The following ACYP2 variants were observed in gnomAD, a reference collection of about 807,000 sequenced individuals.
The protein encoded by ACYP2 is acylphosphatase-2.
ACYP2 carries 12 observed loss-of-function variants against 11.2 expected under a neutral mutation model. That is an observed-to-expected ratio of 1.08 (90% CI 0.69 to 1.74). The LOEUF is 1.74. Among genes scored for constraint, ACYP2 ranks in the 40% most tolerant of loss-of-function variants. ACYP2 has a pLI of 0.00. For synonymous variants in ACYP2, 43 were observed against 32.2 expected (o/e 1.33, Z -1.13); for missense variants, 134 against 101.9 (o/e 1.31, Z -1.35).
At chr2:54,067,006 G>A (rs1395954774) in intron 4 of ACYP2, among the ~76,000 whole-genome samples, 1 of 152,164 alleles carries the variant, frequency 6.6e-6, no homozygotes, top group Non-Finnish European at 1.5e-5. Context: ...TGTCAACTTG[G>A]GCAGATCAGT....
At chr2:54,259,377 A>C (rs10206181) in intron 6 of ACYP2, among the ~76,000 whole-genome samples, 2,060 of 152,340 alleles carry the variant, frequency 0.014, 55 homozygotes, top group African/African-American at 0.047. Context: ...GGATGAGAAC[A>C]CTAAGATAGT....
At chr2:54,205,592 C>G (rs1685042036) in intron 6 of ACYP2, among the ~76,000 whole-genome samples, 1 of 152,182 alleles carries the variant, frequency 6.6e-6, no homozygotes, top group Non-Finnish European at 1.5e-5. Context: ...TTCAGCTCTT[C>G]CACAAAGGGC....
intron 6 of ACYP2, among the ~76,000 whole-genome samples, chr2:54,162,292 C>A (rs753445443): frequency 1.7e-3 from 264 of 152,314 alleles, no homozygotes; most frequent in Non-Finnish European, 2.7e-3. Context: ...GTAATTCCTT[C>A]AGCTATTTTT....
chr2:54,099,879 A>G (rs146575577), intron 4 of ACYP2, among the ~76,000 whole-genome samples: 252 of 152,308 alleles, frequency 1.7e-3, no homozygotes, highest in Non-Finnish European at 2.9e-3. Context: ...ACAGTTTTCC[A>G]TAATGGTTAT....
intron 2 of ACYP2, among the ~76,000 whole-genome samples, chr2:53,982,912 C>G (rs1671844106): frequency 6.7e-6 from 1 of 148,674 alleles, no homozygotes; most frequent in Non-Finnish European, 1.5e-5. Flanking sequence ...GATTTATATG[C>G]TGGAAATGTG....
chr2:54,126,597 CAAAAAAAA>C (rs34045950), intron 4 of ACYP2, among the ~76,000 whole-genome samples: 1 of 109,644 alleles, frequency 9.1e-6, no homozygotes, highest in South Asian at 3.3e-4. Flanking sequence ...GTCAAATTTG[CAAAAAAAA>C]AAAAAAAAAA....
intron 4 of ACYP2, among the ~76,000 whole-genome samples, chr2:54,066,633 G>A (rs1159193746): frequency 1.3e-5 from 2 of 151,976 alleles, no homozygotes; most frequent in African/African-American, 4.8e-5. Context: ...GTGTTCCCTC[G>A]ACTGGTATCA....
rs759835856 is a variant in ACYP2 at position 54,138,722 on chromosome 2, G to T, written c.378G>T (p.Gln126His). ...AAGGCACCGTGACAGGCCAAGTGCAGGGGCCAGAAGACAAAGTCAATTCCA... is the reference window on the plus strand; with the variant it reads ...AAGGCACCGTGACAGGCCAAGTGCATGGGCCAGAAGACAAAGTCAATTCCA... The change falls in exon 6 of 7, where the codon CAG (glutamine) becomes CAT (histidine). Residue 126 changes from glutamine (Q) to histidine (H), a missense_variant. Physicochemically the swap from Gln to His is conservative, Grantham distance 24. Transcript: ENST00000607452. 6.8e-6 allele frequency: 11 copies of T among 1,613,972 alleles called. No individual in the cohort carries two copies. The highest frequency in any genetic ancestry group is 9.3e-6 in the Non-Finnish European group (11 of 1,179,930).
At chr2:54,176,921 T>A (rs575476951) in intron 6 of ACYP2, among the ~76,000 whole-genome samples, 1 of 152,260 alleles carries the variant, frequency 6.6e-6, no homozygotes, top group East Asian at 1.9e-4. Flanking sequence ...TGCATTACAG[T>A]TCACCTCTCC....
chr2:54,024,742 A>G (rs1458240542), intron 2 of ACYP2, among the ~76,000 whole-genome samples: 1 of 152,218 alleles, frequency 6.6e-6, no homozygotes, highest in Non-Finnish European at 1.5e-5. Flanking sequence ...AGCCAGCACA[A>G]TCATACAAGA....
chr2:54,201,636 C>CTTTTTCTT lies in ACYP2; in HGVS notation c.404+62889_404+62890insTTTTCTTT, dbSNP rs59874821. ...TCTTTCTTTCTTTGTTTCTTTCTTT[C>CTTTTTCTT]TCTTTCTTTCTTTCTTTCTTTCTTT... On this transcript the variant is annotated intron_variant, in intron 6 of 6. Transcript: ENST00000607452. Among the ~76,000 whole-genome samples the CTTTTTCTT allele has an allele frequency of 1.3e-3, 125 of 93,694 alleles. 1 individual carries two copies. Among genetic ancestry groups the CTTTTTCTT allele is most frequent in the East Asian group, 7.4e-3 (23 of 3,106 alleles). 61.5% of individuals were successfully genotyped at this position (93,694 alleles called of 152,430 possible).
intron 6 of ACYP2, among the ~76,000 whole-genome samples, chr2:54,245,825 T>G (rs1369713106): frequency 6.6e-6 from 1 of 152,102 alleles, no homozygotes; most frequent in African/African-American, 2.4e-5. Flanking sequence ...GCCTTTTCAC[T>G]CTGTTGTTTC....
At chr2:54,104,639 G>C (rs995134044) in intron 4 of ACYP2, among the ~76,000 whole-genome samples, 2 of 152,124 alleles carry the variant, frequency 1.3e-5, no homozygotes, top group Non-Finnish European at 2.9e-5. Context: ...TTCTACACTT[G>C]ACAAAAATCA....
chr2:54,132,131 G>T (rs1254035799), intron 4 of ACYP2, among the ~76,000 whole-genome samples: 1 of 152,010 alleles, frequency 6.6e-6, no homozygotes, highest in Non-Finnish European at 1.5e-5. Flanking sequence ...TACTTGGTCA[G>T]TGTCTTACTG....
At chr2:54,138,476 G>T (rs574978601) in intron 5 of ACYP2, among the ~76,000 whole-genome samples, 163 bp from the exon 3 acceptor site, 1 of 152,136 alleles carries the variant, frequency 6.6e-6, no homozygotes, top group South Asian at 2.1e-4. Flanking sequence ...TTTATGTGAA[G>T]GTTCTTATAA....
intron 6 of ACYP2, among the ~76,000 whole-genome samples, chr2:54,149,479 C>G (rs554725566): frequency 6.6e-6 from 1 of 152,188 alleles, no homozygotes; most frequent in African/African-American, 2.4e-5. Context: ...TGCATAAGGA[C>G]TGTTTTGAAT....
intron 4 of ACYP2, among the ~76,000 whole-genome samples, chr2:54,113,088 C>T (rs959006249): frequency 6.0e-4 from 92 of 152,102 alleles, no homozygotes; most frequent in Non-Finnish European, 9.9e-4. Flanking sequence ...GTTCAAGTTC[C>T]TAATAGAAAC....
At chr2:54,073,469 A>T (rs1677170705) in intron 4 of ACYP2, among the ~76,000 whole-genome samples, 2 of 152,228 alleles carry the variant, frequency 1.3e-5, no homozygotes, top group South Asian at 4.1e-4. Context: ...GACTTTGGAA[A>T]GGCAATGCTT....
At chr2:54,026,081 C>T (rs373217469) in intron 2 of ACYP2, among the ~76,000 whole-genome samples, 73 of 152,318 alleles carry the variant, frequency 4.8e-4, no homozygotes, top group South Asian at 2.1e-3. Context: ...CGCACCACTG[C>T]ACTCCAGTCT....
Sources: allele counts gnomAD v4.1 joint callset (sites outside exome capture counted in the v4.1 genomes callset), GRCh38; gene constraint gnomAD v4.1.1; transcripts MANE v1.5; gene names NCBI Gene and HGNC (gene_info 2026-07-23, HGNC 2026-07-21).